RGS6: variants seen among roughly 807,000 people sequenced by gnomAD.
RGS6 encodes regulator of G-protein signaling 6.
RGS6 carries 30 observed loss-of-function variants against 78.5 expected under a neutral mutation model. That is an observed-to-expected ratio of 0.38 (90% CI 0.29 to 0.52). The LOEUF (loss-of-function observed/expected upper bound fraction) is 0.52, where lower values mean the gene tolerates loss of function less well. Ranked by LOEUF, RGS6 falls within the 20% of genes least tolerant of loss-of-function variation. RGS6 has a pLI of 0.85. For synonymous variants in RGS6, 206 were observed against 206.0 expected (o/e 1.00, Z 0.00); for missense variants, 495 against 609.7 (o/e 0.81, Z 1.98).
chr14:71,896,418 G>T, the RGS6 span, among the ~76,000 whole-genome samples: 1 of 152,124 alleles, frequency 6.6e-6, no homozygotes, highest in East Asian at 1.9e-4. Flanking sequence ...TCATGGCGCT[G>T]GTGGGAGTGT....
At chr14:72,507,908 G>A (rs2096829063) in intron 13 of RGS6, among the ~76,000 whole-genome samples, 2 of 152,222 alleles carry the variant, frequency 1.3e-5, no homozygotes, top group Non-Finnish European at 2.9e-5. Flanking sequence ...ATGTCCTGCA[G>A]TCTCTGGGGC....
upstream of RGS6, among the ~76,000 whole-genome samples, chr14:71,927,548 A>C (rs1269496431): frequency 6.6e-6 from 1 of 152,212 alleles, no homozygotes; most frequent in Non-Finnish European, 1.5e-5. Context: ...CTATGAAGGA[A>C]GGGCCCCACA....
chr14:72,351,443 T>C (rs2079090130), intron 2 of RGS6, among the ~76,000 whole-genome samples: 1 of 152,200 alleles, frequency 6.6e-6, no homozygotes, highest in Non-Finnish European at 1.5e-5. Context: ...CCTGATAGCA[T>C]GGTCTTACCA....
At chr14:72,382,427 T>A (rs2086411057) in intron 3 of RGS6, among the ~76,000 whole-genome samples, 1 of 151,998 alleles carries the variant, frequency 6.6e-6, no homozygotes, top group African/African-American at 2.4e-5. Flanking sequence ...CTGGAAAAAA[T>A]TAGACTCTGA....
At chr14:72,081,295 ATTAAT>A (rs1476854827) in intron 2 of RGS6, among the ~76,000 whole-genome samples, 1 of 151,926 alleles carries the variant, frequency 6.6e-6, no homozygotes, top group African/African-American at 2.4e-5. Context: ...GGATTGTTTT[ATTAAT>A]TTCTTTTTCA....
chr14:72,287,062 G>C (rs935005150), intron 2 of RGS6, among the ~76,000 whole-genome samples: 4 of 152,196 alleles, frequency 2.6e-5, no homozygotes, highest in African/African-American at 4.8e-5. Flanking sequence ...GGCCTCCCAG[G>C]TGCAAACTAC....
intron 2 of RGS6, among the ~76,000 whole-genome samples, chr14:72,087,627 C>CT (rs113790680): frequency 1.5e-3 from 224 of 144,874 alleles, no homozygotes; most frequent in Admixed American, 1.7e-3. Flanking sequence ...CAACAATATA[C>CT]TTTTTTTTTT....
rs182058728 is a variant in RGS6, at chr14:72,233,384, C to T, written c.85-118711C>T. On this transcript the variant is annotated intron_variant, in intron 2 of 17. Coordinates refer to ENST00000553525, the MANE Select transcript of RGS6 (RefSeq NM_001204424.2). ...TGAGTCCTTGTCAAATACTGCCTGG[C>T]ACTTACCTCCATCGGGACACAGTGC... 3.1e-3 allele frequency among the ~76,000 whole-genome samples: 467 copies of T among 152,250 alleles called. 1 individual carries two copies. The highest frequency in any genetic ancestry group is 0.011 in the African/African-American group (451 of 41,542).
At chr14:72,629,841 G>C in the RGS6 span, 1 of 962,986 alleles carries the variant, frequency 1.0e-6, no homozygotes, top group Non-Finnish European at 1.6e-6. Flanking sequence ...GGCAGGGCAG[G>C]GTAGCATGAC....
At chr14:72,270,758 T>A (rs1174140953) in intron 2 of RGS6, among the ~76,000 whole-genome samples, 1 of 152,214 alleles carries the variant, frequency 6.6e-6, no homozygotes, top group Admixed American at 6.5e-5. Flanking sequence ...TCAAAGGCCA[T>A]GATTTTCTAC....
At chr14:72,568,213 T>C (rs1231055372), downstream of RGS6, among the ~76,000 whole-genome samples, 1 of 152,190 alleles carries the variant, frequency 6.6e-6, no homozygotes, top group Admixed American at 6.5e-5. Context: ...GCCACCCTCA[T>C]TCTGAGCCTT....
intron 1 of RGS6, among the ~76,000 whole-genome samples, chr14:71,959,852 A>G (rs570310631): frequency 4.5e-4 from 69 of 152,194 alleles, no homozygotes; most frequent in African/African-American, 1.6e-3. Context: ...TTCAAAAGCA[A>G]CCCTGCGTGA....
the RGS6 span, among the ~76,000 whole-genome samples, chr14:71,910,598 T>C: frequency 2.0e-5 from 3 of 152,206 alleles, no homozygotes; most frequent in African/African-American, 7.2e-5. Context: ...TACGAACTTA[T>C]GAGGGTTGAG....
intron 2 of RGS6, among the ~76,000 whole-genome samples, chr14:72,111,992 G>A (rs1375766643): frequency 6.6e-6 from 1 of 152,198 alleles, no homozygotes; most frequent in Non-Finnish European, 1.5e-5. Flanking sequence ...TGGCTACAGT[G>A]CAATTTGGCT....
intron 13 of RGS6, among the ~76,000 whole-genome samples, chr14:72,501,780 T>C (rs2153427972): frequency 6.6e-6 from 1 of 152,332 alleles, no homozygotes; most frequent in Non-Finnish European, 1.5e-5. Flanking sequence ...AGTTTAGCTC[T>C]CCCTCTCTGC....
At chr14:72,094,377 C>G (rs1348006958) in intron 2 of RGS6, among the ~76,000 whole-genome samples, 2 of 152,170 alleles carry the variant, frequency 1.3e-5, no homozygotes, top group African/African-American at 4.8e-5. Flanking sequence ...TGAGGTATAG[C>G]TCTTGGAGAG....
At chr14:72,214,324 G>A (rs908333925) in intron 2 of RGS6, among the ~76,000 whole-genome samples, 9 of 151,866 alleles carry the variant, frequency 5.9e-5, no homozygotes, top group African/African-American at 1.7e-4. Context: ...CCAAAGGCAC[G>A]TGCCACCATG....
chr14:71,897,515 T>A, the RGS6 span, among the ~76,000 whole-genome samples: 2 of 152,192 alleles, frequency 1.3e-5, no homozygotes, highest in South Asian at 2.1e-4. Context: ...TTTTTTATTT[T>A]ATTTTATTTT....
intron 3 of RGS6, among the ~76,000 whole-genome samples, chr14:72,356,867 T>G (rs1478732315): frequency 6.6e-6 from 1 of 152,250 alleles, no homozygotes; most frequent in Non-Finnish European, 1.5e-5. Flanking sequence ...ATTAAACATA[T>G]GTCCTTTATA....
Sources: allele counts gnomAD v4.1 joint callset (sites outside exome capture counted in the v4.1 genomes callset), GRCh38; gene constraint gnomAD v4.1.1; transcripts MANE v1.5; gene names NCBI Gene and HGNC (gene_info 2026-07-23, HGNC 2026-07-21).